The following LAMA5 variants were observed in gnomAD, a reference collection of about 807,000 sequenced individuals.
The protein encoded by LAMA5 is laminin subunit alpha 5, also known as laminin subunit alpha-5.
LAMA5 carries 260 observed loss-of-function variants against 433.4 expected under a neutral mutation model. The observed-to-expected ratio is 0.60, with a 90% CI of 0.54 to 0.66. LAMA5 has a LOEUF of 0.66. Ranked by LOEUF, LAMA5 falls within the 30% of genes least tolerant of loss-of-function variation. The probability of loss-of-function intolerance (pLI) is 0.00; values close to 1 mark genes in which losing one functional copy is unlikely to be tolerated. For missense variants in LAMA5, 5,378 were observed against 5,258.5 expected, an observed-to-expected ratio of 1.02 and a Z score of -0.70; for synonymous variants, 2,620 against 2,226.6, an observed-to-expected ratio of 1.18 and a Z score of -4.97.
Position 62,327,309 on chromosome 20 carries a change from C to T in LAMA5, c.5036G>A (p.Arg1679Gln), listed in dbSNP as rs139647438. ...CTCGGGCACAGCCTCAGGCACGTGC[C>T]GCAGGTCTGCACGGAGCATCTCCGT... Reference protein sequence around the residue: ...PGTEMLRADLRHVPEAVPEAF... With the variant: ...PGTEMLRADLQHVPEAVPEAF... Residue 1679 changes from arginine (R) to glutamine (Q), a missense_variant, in exon 38 of 80, where the codon CGG becomes CAG. Physicochemically the swap from Arg to Gln is conservative, Grantham distance 43. Transcript: ENST00000252999. 4.0e-5 allele frequency: 64 copies of T among 1,594,690 alleles called. No homozygotes were observed. The highest frequency in any genetic ancestry group is 3.6e-4 in the African/African-American group (27 of 74,634).
rs569462830 is a variant in LAMA5, at chr20:62,314,197, G to A, written c.8504+107C>T. On this transcript the variant is annotated intron_variant, in intron 62 of 79. Coordinates refer to ENST00000252999, the MANE Select transcript of LAMA5 (RefSeq NM_005560.6). Reference sequence around the variant, plus strand: ...ACGGAGAGGCGAGGGGTGGCGAGTGGGCATGGAGAGGTGAAGGGTGGTGGG... The same window carrying A: ...ACGGAGAGGCGAGGGGTGGCGAGTGAGCATGGAGAGGTGAAGGGTGGTGGG... 19 of 1,364,930 alleles carry A rather than the reference G, an allele frequency of 1.4e-5. No individual in the cohort carries two copies. In the South Asian group the frequency reaches 2.1e-4, roughly 15 times the overall value. 84.6% of individuals were successfully genotyped at this position (1,364,930 alleles called of 1,614,324 possible).
At chr20:62,323,915 C>A in intron 43 of LAMA5, 59 bp from the exon 44 acceptor site, 1 of 1,511,204 alleles carries the variant, frequency 6.6e-7, no homozygotes, top group Non-Finnish European at 9.0e-7. Context: ...CCCGGGCGAG[C>A]ACACTGTGCT....
At chr20:62,322,471 G>A in intron 46 of LAMA5, 22 bp from the exon 47 acceptor site, 1 of 1,554,638 alleles carries the variant, frequency 6.4e-7, no homozygotes, top group Non-Finnish European at 8.7e-7. Context: ...GCTGGTCACT[G>A]CCCTGCCCAG....
intron 4 of LAMA5, 54 bp downstream of exon 4, chr20:62,352,188 T>G (rs574517958): frequency 1.1e-5 from 17 of 1,549,546 alleles, no homozygotes; most frequent in South Asian, 9.0e-5. Flanking sequence ...GCCCCTCCCC[T>G]ACCCACCTCT....
intron 16 of LAMA5, chr20:62,337,024 G>A (rs1187007057): frequency 3.0e-6 from 2 of 674,346 alleles, no homozygotes; most frequent in Admixed American, 2.0e-5. Flanking sequence ...CACCGCGTGG[G>A]GTACCCGTGT....
intron 11 of LAMA5, chr20:62,345,499 C>T (rs1983221401): frequency 4.3e-6 from 2 of 466,184 alleles, no homozygotes; most frequent in South Asian, 1.9e-5. Context: ...TTCGGCCTTC[C>T]AGGCTCAAGC....
In LAMA5 at chr20:62,329,825, G is replaced by T. The variant is rs779335382; in HGVS notation, c.4071C>A (p.Ser1357Arg). Residue 1357 changes from serine (S) to arginine (R), a missense_variant, in exon 32 of 80, where the codon AGC (serine) becomes AGA (arginine). By Grantham distance (110) the Ser-to-Arg change is moderately radical (BLOSUM62 -1). Transcript: ENST00000252999. ...GCACACGCACGGTCACAGTGAGCTC[G>T]CTGTGGGTCACGTCCAGCAGGGCCT... ...EGQALLDVTH[S>R]ELTVTVRVPK... The T allele has an allele frequency of 1.2e-6, 2 of 1,612,390 alleles. No individual in the cohort carries two copies. Among genetic ancestry groups the T allele is most frequent in the East Asian group, 2.2e-5 (1 of 44,864 alleles).
intron 11 of LAMA5, among the ~76,000 whole-genome samples, chr20:62,343,429 C>A (rs993217195): frequency 1.4e-4 from 22 of 152,064 alleles, no homozygotes; most frequent in Non-Finnish European, 1.5e-5. Flanking sequence ...AAGCTCCCCC[C>A]CAAAATAAGG....
At chr20:62,344,833 TTAAA>T (rs1244479297) in intron 11 of LAMA5, among the ~76,000 whole-genome samples, 4 of 151,948 alleles carry the variant, frequency 2.6e-5, no homozygotes, top group African/African-American at 4.8e-5. Context: ...TGGGGGTTGT[TTAAA>T]TAAATACTTC....
At chr20:62,363,827 G>C (rs913971888) in intron 1 of LAMA5, among the ~76,000 whole-genome samples, 2 of 152,030 alleles carry the variant, frequency 1.3e-5, no homozygotes, top group African/African-American at 4.8e-5. Flanking sequence ...CTCGCCCAGA[G>C]TGTGCCCTCT....
In LAMA5 at chr20:62,327,797, G is replaced by A. The variant is rs1049954980; in HGVS notation, c.4797+69C>T. On this transcript the variant is annotated intron_variant, in intron 36 of 79. Transcript: ENST00000252999. Reference sequence around the variant, plus strand: ...TAGGAAGCCCCAGCTGCCCCGAAAGGCCCGTAAGGACACTTTCAGCTGATG... The same window carrying A: ...TAGGAAGCCCCAGCTGCCCCGAAAGACCCGTAAGGACACTTTCAGCTGATG... The A allele has an allele frequency of 1.8e-5, 28 of 1,571,310 alleles. No individual in the cohort carries two copies. In the South Asian group the frequency reaches 2.4e-4, roughly 13 times the overall value.
chr20:62,343,894 C>T (rs1211511047), intron 11 of LAMA5, among the ~76,000 whole-genome samples: 3 of 151,490 alleles, frequency 2.0e-5, no homozygotes, highest in East Asian at 3.9e-4. Context: ...CCTGTAATCC[C>T]AGCACTTTAG....
chr20:62,311,640 G>A lies in LAMA5; in HGVS notation c.9780C>T (p.Gly3260=), dbSNP rs764472319. ...PESGTIYNFS[G]CISNVFVQRL... ...GCTGCACGAAGACGTTGCTGATGCAGCCACTGAAGTTGTAAATGGTGCCAG... is the reference window on the plus strand; with the variant it reads ...GCTGCACGAAGACGTTGCTGATGCAACCACTGAAGTTGTAAATGGTGCCAG... Residue 3260 remains glycine, a synonymous_variant, in exon 71 of 80, where the codon GGC becomes GGT. Transcript: ENST00000252999. 1 of 1,603,286 alleles carries A rather than the reference G, an allele frequency of 6.2e-7. No homozygotes were observed. Among genetic ancestry groups the A allele is most frequent in the Admixed American group, 1.7e-5 (1 of 58,326 alleles).
At position 62,335,143 on chromosome 20, in the gene LAMA5, G is replaced by A. The variant is rs376108541; in HGVS notation, c.2377-17C>T. 2.1e-4 allele frequency: 333 copies of A among 1,612,658 alleles called. No homozygotes were observed. Among genetic ancestry groups the A allele is most frequent in the Non-Finnish European group, 2.6e-4 (309 of 1,179,578 alleles). The stretch of plus-strand genomic sequence containing the variant: ...GCCGGTGCCCTGGGGGCCAAGGGAG[G>A]AGGTGAAGTGGGGCAGGGGAGGGTC... On this transcript the variant is annotated splice_polypyrimidine_tract_variant and intron_variant, in intron 19 of 79. Transcript: ENST00000252999.
rs1044812593 is a variant in LAMA5, at chr20:62,333,700, G to T, written c.2885C>A (p.Ala962Glu). The T allele has an allele frequency of 5.0e-6, 8 of 1,589,018 alleles. No homozygotes were observed. Among genetic ancestry groups the T allele is most frequent in the Non-Finnish European group, 6.8e-6 (8 of 1,169,336 alleles). ...TGGGAAGGCCACGGGCTGACTCTGT[G>T]CTGTGCCTGGGCGGGGGCAGGGGTG... ...GRSATCANCT[A>E]QSQPVAFPPS... Residue 962 changes from alanine to glutamate, a missense_variant, in exon 24 of 80, where the codon GCA (alanine) becomes GAA (glutamate). Ala to Glu is a moderately radical substitution (Grantham distance 107). Coordinates refer to ENST00000252999, the MANE Select transcript of LAMA5 (RefSeq NM_005560.6).
chr20:62,353,281 A>AG (rs1274452455), intron 2 of LAMA5, 30 bp from the exon 3 acceptor site: 1 of 1,504,608 alleles, frequency 6.6e-7, no homozygotes, highest in Non-Finnish European at 9.1e-7. Flanking sequence ...CAGGGGAGCC[A>AG]GGGGCGCCTG....
chr20:62,318,758 G>A, intron 52 of LAMA5, 85 bp downstream of exon 52: 2 of 1,573,120 alleles, frequency 1.3e-6, no homozygotes, highest in Non-Finnish European at 8.6e-7. Flanking sequence ...ATGCCCACCT[G>A]ATGCCACTCC....
intron 40 of LAMA5, among the ~76,000 whole-genome samples, chr20:62,326,230 A>G (rs1002419512): frequency 2.8e-4 from 20 of 71,822 alleles, no homozygotes; most frequent in Non-Finnish European, 5.3e-4. Flanking sequence ...AAAACAAACA[A>G]ACAAAAAAAA....
In LAMA5 at chr20:62,320,659, C is replaced by A. The variant is rs150944918; in HGVS notation, c.6659G>T (p.Arg2220Leu). 407 of 1,608,370 alleles carry A rather than the reference C, an allele frequency of 2.5e-4. No homozygotes were observed. The highest frequency in any genetic ancestry group is 3.3e-4 in the Middle Eastern group (2 of 6,058). Residue 2220 changes from arginine (R) to leucine (L), a missense_variant, in exon 50 of 80, where the codon CGG (arginine) becomes CTG (leucine). By Grantham distance (102) the Arg-to-Leu change is moderately radical. Coordinates refer to ENST00000252999, the MANE Select transcript of LAMA5 (RefSeq NM_005560.6). Reference sequence around the variant, plus strand: ...CTCATGGCGGGGGCCCAGGGGGCTCCGGAGCTGGCTCTGTGGGAGGCGAAA... The same window carrying A: ...CTCATGGCGGGGGCCCAGGGGGCTCAGGAGCTGGCTCTGTGGGAGGCGAAA... ...ASIADLQSQL[R>L]SPLGPRHETA...
Sources: gnomAD v4.1 joint callset for allele counts (sites outside exome capture counted in the v4.1 genomes callset) on GRCh38, gnomAD v4.1.1 for gene constraint, MANE v1.5 for transcripts, NCBI Gene and HGNC (gene_info 2026-07-23, HGNC 2026-07-21) for gene names.